SCG5: variants seen among roughly 807,000 people sequenced by gnomAD.
The protein encoded by SCG5 is secretogranin V.
A neutral mutation model predicts 25.7 loss-of-function variants in SCG5; 18 were observed. The ratio of observed to expected loss-of-function variants is 0.70; its 90% CI spans 0.48 to 1.04. The LOEUF (loss-of-function observed/expected upper bound fraction) is 1.04. SCG5 is among the 50% of genes least tolerant of loss of function. SCG5 has a pLI of 0.00. For missense variants in SCG5, 206 were observed against 259.8 expected (o/e 0.79, Z 1.42); for synonymous variants, 101 against 91.7 (o/e 1.10, Z -0.58).
intron 2 of SCG5, among the ~76,000 whole-genome samples, chr15:32,647,254 A>G (rs1193345889): frequency 6.6e-6 from 1 of 152,210 alleles, no homozygotes; most frequent in African/African-American, 2.4e-5. Flanking sequence ...TAAACAAATC[A>G]TCATCATCAT....
At chr15:32,696,219 G>A (rs188907896) in intron 5 of SCG5, among the ~76,000 whole-genome samples, 20 of 152,074 alleles carry the variant, frequency 1.3e-4, no homozygotes, top group South Asian at 2.1e-4. Context: ...CCGGGTTCAC[G>A]CCATTCTCCT....
intron 1 of SCG5, 88 bp from the exon 2 acceptor site, chr15:32,643,498 A>C (rs1458907352): frequency 3.4e-5 from 38 of 1,117,234 alleles, no homozygotes; most frequent in Non-Finnish European, 1.3e-6. Flanking sequence ...TCCTCGAACC[A>C]CAACCTGGAG....
chr15:32,648,264 C>T (rs2053976245), intron 2 of SCG5, among the ~76,000 whole-genome samples: 1 of 152,064 alleles, frequency 6.6e-6, no homozygotes, highest in African/African-American at 2.4e-5. Context: ...GTGCAATTTC[C>T]TGTCTGCTTC....
chr15:32,684,641 A>G lies in SCG5; in HGVS notation c.461A>G (p.Glu154Gly). Residue 154 changes from glutamate to glycine, a missense_variant, in exon 4 of 6, where the codon GAA becomes GGA. By Grantham distance (98) the Glu-to-Gly change is moderately conservative. Transcript: ENST00000300175. ...TTGCACCAGCATCTCTTTGATCCGG[A>G]ACATGACTATCCAGGCTTGGGCAAG... ...FQLHQHLFDPEHDYPGLGKWN... is the reference protein window; with the variant it reads ...FQLHQHLFDPGHDYPGLGKWN... 1 of 1,613,628 alleles carries G rather than the reference A, an allele frequency of 6.2e-7. No homozygotes were observed. Among genetic ancestry groups the G allele is most frequent in the Non-Finnish European group, 8.5e-7 (1 of 1,179,630 alleles).
chr15:32,669,506 C>T (rs2054380858), intron 2 of SCG5, among the ~76,000 whole-genome samples: 1 of 152,162 alleles, frequency 6.6e-6, no homozygotes, highest in African/African-American at 2.4e-5. Context: ...CATATAATTT[C>T]AGCAAGAATT....
rs2054866704 is a variant in SCG5, at chr15:32,691,968, T to G, written c.543+205T>G. ...GGCTTCCCCAGGCTTTAGCAGATGATTTTTAGTGGAACGCGCAGTCTGTAG... is the reference window on the plus strand; with the variant it reads ...GGCTTCCCCAGGCTTTAGCAGATGAGTTTTAGTGGAACGCGCAGTCTGTAG... On this transcript the variant is annotated intron_variant, in intron 5 of 5. Coordinates refer to ENST00000300175, the MANE Select transcript of SCG5 (RefSeq NM_001144757.3). The G allele has an allele frequency of 2.1e-6, 3 of 1,429,660 alleles. No individual in the cohort carries two copies. In the African/African-American group the frequency reaches 4.3e-5, roughly 21 times the overall value. The allele number at this position is 1,429,660 out of a possible 1,614,324, so 88.6% of individuals were successfully genotyped here.
intron 4 of SCG5, among the ~76,000 whole-genome samples, chr15:32,685,405 G>C (rs915694363): frequency 1.3e-5 from 2 of 152,188 alleles, no homozygotes; most frequent in Admixed American, 1.3e-4. Flanking sequence ...ATCGTTTTAT[G>C]TTCCCCTATT....
chr15:32,652,920 A>G (rs2054056670), intron 2 of SCG5, among the ~76,000 whole-genome samples: 1 of 152,236 alleles, frequency 6.6e-6, no homozygotes, highest in South Asian at 2.1e-4. Flanking sequence ...CAAAAGATCT[A>G]AAGTGTCATC....
intron 2 of SCG5, among the ~76,000 whole-genome samples, chr15:32,661,227 C>G (rs1197844169): frequency 6.6e-6 from 1 of 152,168 alleles, no homozygotes; most frequent in African/African-American, 2.4e-5. Context: ...ACCCTCGGTA[C>G]CATTTAGATG....
chr15:32,685,257 G>A (rs557138068), intron 4 of SCG5, among the ~76,000 whole-genome samples: 3 of 152,288 alleles, frequency 2.0e-5, no homozygotes, highest in African/African-American at 7.2e-5. Flanking sequence ...TGACCATTTG[G>A]CATCAGTGTG....
At chr15:32,683,925 T>A (rs1472853391) in intron 3 of SCG5, among the ~76,000 whole-genome samples, 2 of 152,230 alleles carry the variant, frequency 1.3e-5, no homozygotes, top group Non-Finnish European at 2.9e-5. Context: ...GCAACAGAAG[T>A]ATGTTACCTA....
At chr15:32,656,936 A>G (rs999873137) in intron 2 of SCG5, among the ~76,000 whole-genome samples, 3 of 151,578 alleles carry the variant, frequency 2.0e-5, no homozygotes, top group African/African-American at 7.3e-5. Flanking sequence ...TTTGTACAGC[A>G]TAGCAGGAAG....
chr15:32,662,706 C>A (rs1228751788), intron 2 of SCG5, among the ~76,000 whole-genome samples: 1 of 151,954 alleles, frequency 6.6e-6, no homozygotes, highest in Non-Finnish European at 1.5e-5. Flanking sequence ...ATCACCTCAA[C>A]TATAGAATTA....
intron 5 of SCG5, among the ~76,000 whole-genome samples, chr15:32,696,199 G>T (rs182373030): frequency 8.5e-5 from 13 of 152,048 alleles, no homozygotes; most frequent in African/African-American, 2.9e-4. Context: ...CTCACTGCAA[G>T]CTCCGCCTCC....
intron 2 of SCG5, among the ~76,000 whole-genome samples, chr15:32,672,267 A>C (rs1301303709): frequency 6.6e-6 from 1 of 152,240 alleles, no homozygotes; most frequent in Non-Finnish European, 1.5e-5. Flanking sequence ...CCCTGGCACC[A>C]GGCTGCCCCA....
chr15:32,657,395 G>T (rs1195771531), intron 2 of SCG5, among the ~76,000 whole-genome samples: 9 of 150,830 alleles, frequency 6.0e-5, no homozygotes, highest in Non-Finnish European at 1.5e-5. Context: ...TTAGGCGTGA[G>T]AAACATGTGA....
intron 2 of SCG5, among the ~76,000 whole-genome samples, chr15:32,674,145 C>T (rs887754290): frequency 6.6e-6 from 1 of 152,176 alleles, no homozygotes; most frequent in African/African-American, 2.4e-5. Context: ...GTCATATTCT[C>T]CTGCTGTTTA....
At chr15:32,659,812 T>C (rs1321926610) in intron 2 of SCG5, among the ~76,000 whole-genome samples, 3 of 152,090 alleles carry the variant, frequency 2.0e-5, no homozygotes, top group Non-Finnish European at 4.4e-5. Context: ...TGCTGTGAGC[T>C]ACCTAAGACG....
intron 2 of SCG5, among the ~76,000 whole-genome samples, chr15:32,678,061 G>A (rs6494577): frequency 0.97 from 147,363 of 152,298 alleles, 71,322 homozygotes; most frequent in East Asian, 0.99. Context: ...GACATACACT[G>A]AAATAAATAA....
Sources: gnomAD v4.1 joint callset for allele counts (sites outside exome capture counted in the v4.1 genomes callset) on GRCh38, gnomAD v4.1.1 for gene constraint, MANE v1.5 for transcripts, NCBI Gene and HGNC (gene_info 2026-07-23, HGNC 2026-07-21) for gene names.